The following PHTF2 variants were observed in gnomAD, a reference collection of about 807,000 sequenced individuals.
The protein encoded by PHTF2 is putative homeodomain transcription factor 2.
A neutral mutation model predicts 101.2 loss-of-function variants in PHTF2; 60 were observed. The ratio of observed to expected loss-of-function variants is 0.59; its 90% confidence interval spans 0.48 to 0.73. The LOEUF (loss-of-function observed/expected upper bound fraction) is 0.73. Among genes scored for constraint, PHTF2 ranks in the 30% least tolerant of loss-of-function variants. The probability of loss-of-function intolerance (pLI) is 0.00; values close to 1 mark genes in which losing one functional copy is unlikely to be tolerated. For missense variants in PHTF2, 747 were observed against 908.7 expected, an observed-to-expected ratio of 0.82 and a Z score of 2.29; for synonymous variants, 311 against 307.3, an observed-to-expected ratio of 1.01 and a Z score of -0.13.
chr7:77,861,551 A>G (rs188801950), intron 3 of PHTF2, among the ~76,000 whole-genome samples: 9 of 152,300 alleles, frequency 5.9e-5, no homozygotes. Flanking sequence ...GTTATAATAC[A>G]TTGTGATAGA....
chr7:77,912,247 G>A (rs979198314), intron 9 of PHTF2, among the ~76,000 whole-genome samples: 1 of 152,172 alleles, frequency 6.6e-6, no homozygotes, highest in Admixed American at 6.5e-5. Context: ...AATCATGACA[G>A]CTGTACATCT....
chr7:77,901,723 A>G (rs1003144628), intron 6 of PHTF2, 39 bp from the exon 6 acceptor site: 3 of 1,184,510 alleles, frequency 2.5e-6, no homozygotes, highest in Admixed American at 3.5e-5. Context: ...AAAGAATAAT[A>G]TATAAATATA....
rs897573305 is a variant in PHTF2, at chr7:77,890,082, A to G, written c.148-3526A>G. On this transcript the variant is annotated intron_variant, in intron 3 of 19. Transcript: ENST00000416283. ...GTAAAAGTTGCCCTTCCTCTCACCTATCAAATCTTTGAATAAATGTGTCTT... is the reference window on the plus strand; with the variant it reads ...GTAAAAGTTGCCCTTCCTCTCACCTGTCAAATCTTTGAATAAATGTGTCTT... 2.0e-5 allele frequency among the ~76,000 whole-genome samples: 3 copies of G among 147,104 alleles called. No homozygotes were observed. The Admixed American group carries it at 2.0e-4, about 10-fold the overall frequency.
chr7:77,948,619 A>G (rs1017649083), intron 16 of PHTF2, among the ~76,000 whole-genome samples: 1 of 152,320 alleles, frequency 6.6e-6, no homozygotes, highest in Non-Finnish European at 1.5e-5. Flanking sequence ...CTAGAAAAAA[A>G]GTGGATGTAG....
intron 2 of PHTF2, among the ~76,000 whole-genome samples, chr7:77,846,441 A>G (rs993425399): frequency 2.0e-5 from 3 of 152,328 alleles, no homozygotes; most frequent in South Asian, 4.1e-4. Context: ...AATGCTTTAC[A>G]TATATTAAAT....
chr7:77,842,722 G>C (rs78638767), intron 2 of PHTF2, among the ~76,000 whole-genome samples: 1 of 152,052 alleles, frequency 6.6e-6, no homozygotes, highest in African/African-American at 2.4e-5. Flanking sequence ...GGCATTTATG[G>C]GTGGGAGTCA....
intron 3 of PHTF2, among the ~76,000 whole-genome samples, chr7:77,868,183 C>T (rs969274844): frequency 2.0e-5 from 3 of 151,858 alleles, no homozygotes; most frequent in Non-Finnish European, 4.4e-5. Context: ...ACTTTGTTGC[C>T]AGGCTAGAGT....
chr7:77,834,935 G>T (rs548401373), intron 1 of PHTF2, among the ~76,000 whole-genome samples: 1 of 152,300 alleles, frequency 6.6e-6, no homozygotes, highest in East Asian at 1.9e-4. Flanking sequence ...TTGAGCATAT[G>T]TTGGTGCTAG....
At chr7:77,873,737 G>A (rs1383375756) in intron 3 of PHTF2, among the ~76,000 whole-genome samples, 1 of 152,182 alleles carries the variant, frequency 6.6e-6, no homozygotes, top group Non-Finnish European at 1.5e-5. Context: ...TACAAACTCA[G>A]TGTCCTGCCT....
At chr7:77,866,938 A>G (rs1308122582) in intron 3 of PHTF2, among the ~76,000 whole-genome samples, 1 of 152,192 alleles carries the variant, frequency 6.6e-6, no homozygotes, top group East Asian at 1.9e-4. Flanking sequence ...ATAGGCATAT[A>G]CATTCTTTCC....
intron 1 of PHTF2, among the ~76,000 whole-genome samples, chr7:77,829,302 A>G (rs570606027): frequency 6.6e-6 from 1 of 152,324 alleles, no homozygotes; most frequent in African/African-American, 2.4e-5. Flanking sequence ...TAGATTATGT[A>G]TCATCTTCTA....
intron 1 of PHTF2, among the ~76,000 whole-genome samples, chr7:77,802,351 A>G (rs1792625945): frequency 6.6e-6 from 1 of 152,200 alleles, no homozygotes; most frequent in Non-Finnish European, 1.5e-5. Flanking sequence ...TTACATGTTT[A>G]TTTAATATTC....
At position 77,851,078 on chromosome 7, in the gene PHTF2, A is replaced by G. The variant is rs184422408; in HGVS notation, c.46-3655A>G. ...ACTGGCCCATAGTTTTCTTTTTTTGATATGTCTTTGTCTGGTTTGGGTATC... is the reference window on the plus strand; with the variant it reads ...ACTGGCCCATAGTTTTCTTTTTTTGGTATGTCTTTGTCTGGTTTGGGTATC... On this transcript the variant is annotated intron_variant, in intron 2 of 19. Coordinates refer to ENST00000416283, the Ensembl canonical transcript of PHTF2. Among the ~76,000 whole-genome samples the G allele has an allele frequency of 2.6e-4, 39 of 151,992 alleles. No individual in the cohort carries two copies. The East Asian group carries it at 5.4e-3, about 21-fold the overall frequency.
At chr7:77,820,542 GTT>G (rs879846967) in intron 1 of PHTF2, among the ~76,000 whole-genome samples, 83 of 150,924 alleles carry the variant, frequency 5.5e-4, no homozygotes, top group African/African-American at 9.0e-4. Flanking sequence ...GTGTGTGTGT[GTT>G]TGTGTATACG....
intron 16 of PHTF2, among the ~76,000 whole-genome samples, chr7:77,949,094 T>A (rs1806320381): frequency 6.6e-6 from 1 of 150,468 alleles, no homozygotes. Context: ...TGTGGCTGAT[T>A]TTTTTACTTT....
chr7:77,919,403 A>AT (rs1803238118), intron 9 of PHTF2, among the ~76,000 whole-genome samples: 1 of 152,202 alleles, frequency 6.6e-6, no homozygotes, highest in Non-Finnish European at 1.5e-5. Context: ...ATTCAAGGGA[A>AT]TTTATTTAAA....
At chr7:77,804,874 G>A (rs1002034105) in intron 1 of PHTF2, among the ~76,000 whole-genome samples, 2 of 152,084 alleles carry the variant, frequency 1.3e-5, no homozygotes, top group African/African-American at 2.4e-5. Context: ...AGCCTTATAC[G>A]AATCAGTTCT....
intron 1 of PHTF2, among the ~76,000 whole-genome samples, chr7:77,816,210 G>T (rs1793842222): frequency 6.6e-6 from 1 of 152,082 alleles, no homozygotes; most frequent in Non-Finnish European, 1.5e-5. Context: ...AAGTAGCTGG[G>T]ATTACAGGTG....
Position 77,937,773 on chromosome 7 carries a change from GA to G in PHTF2, c.1404del (p.Gly469ValfsTer17). ...AGAAAAAATAAGTGCTATAGTATGG[GA>G]AGGTAATGATTGTAAGAAAGCAGAC... On this transcript the variant is annotated frameshift_variant, in exon 13 of 20. Coordinates refer to ENST00000416283, the Ensembl canonical transcript of PHTF2. LOFTEE classifies it high-confidence loss of function. 6.5e-7 allele frequency: 1 copy of G among 1,528,770 alleles called. No homozygotes were observed. The highest frequency in any genetic ancestry group is 1.4e-5 in the African/African-American group (1 of 72,490). The allele number at this position is 1,528,770 out of a possible 1,614,324, so 94.7% of individuals were successfully genotyped here.
Sources: gnomAD v4.1 joint callset for allele counts (sites outside exome capture counted in the v4.1 genomes callset) on GRCh38, gnomAD v4.1.1 for gene constraint, MANE v1.5 for transcripts, NCBI Gene and HGNC (gene_info 2026-07-23, HGNC 2026-07-21) for gene names.